Variants in SPAG9 observed in about 807,000 individuals in gnomAD.
SPAG9 encodes the protein C-Jun-amino-terminal kinase-interacting protein 4.
Under a neutral mutation model 166.5 loss-of-function variants are expected in SPAG9, and 35 were observed. The ratio of observed to expected loss-of-function variants is 0.21; its 90% confidence interval spans 0.16 to 0.28. SPAG9 has a LOEUF of 0.28. Among genes scored for constraint, SPAG9 ranks in the 10% least tolerant of loss-of-function variants. The probability of loss-of-function intolerance (pLI) is 1.00; values close to 1 mark genes in which losing one functional copy is unlikely to be tolerated. For missense variants in SPAG9, 1,235 were observed against 1,603.3 expected (o/e 0.77, Z 3.92); for synonymous variants, 534 against 565.5 (o/e 0.94, Z 0.79).
chr17:51,058,132 G>C (rs76213393), intron 2 of SPAG9, among the ~76,000 whole-genome samples: 16,679 of 152,078 alleles, frequency 0.11, 1,133 homozygotes, highest in Non-Finnish European at 0.15. Context: ...TGGATGCTGA[G>C]GCTGAAATAA....
At chr17:50,975,869 G>A in intron 27 of SPAG9, 2 of 1,535,674 alleles carry the variant, frequency 1.3e-6, no homozygotes, top group Non-Finnish European at 1.7e-6. Context: ...TTACCCCTCA[G>A]CCCCAGTAAA....
chr17:51,077,100 AGC>A (rs1491142082), intron 2 of SPAG9, among the ~76,000 whole-genome samples: 38 of 121,258 alleles, frequency 3.1e-4, no homozygotes, highest in African/African-American at 1.6e-3. Flanking sequence ...CTATCTATCT[AGC>A]TAGCTATCTA....
At chr17:51,112,309 A>T (rs1049576400) in intron 1 of SPAG9, among the ~76,000 whole-genome samples, 3 of 150,194 alleles carry the variant, frequency 2.0e-5, no homozygotes, top group Admixed American at 6.7e-5. Flanking sequence ...TGAGGTAAGA[A>T]AATGTCTTGA....
chr17:51,100,487 C>A (rs2144733902), intron 1 of SPAG9, among the ~76,000 whole-genome samples: 1 of 152,012 alleles, frequency 6.6e-6, no homozygotes, highest in Admixed American at 6.6e-5. Flanking sequence ...TGGCTTGATG[C>A]CTATAATACT....
At chr17:51,046,881 C>G in intron 4 of SPAG9, 1 of 1,522,932 alleles carries the variant, frequency 6.6e-7, no homozygotes, top group Non-Finnish European at 8.8e-7. Context: ...ATTTATGCAG[C>G]AACCCCAAGC....
chr17:51,000,933 C>T (rs1490425047), intron 13 of SPAG9, among the ~76,000 whole-genome samples: 1 of 152,058 alleles, frequency 6.6e-6, no homozygotes, highest in Non-Finnish European at 1.5e-5. Flanking sequence ...TCCTTATGGG[C>T]AGTTATAAGC....
chr17:51,087,070 AAAGAAT>A (rs1296993677), intron 1 of SPAG9, among the ~76,000 whole-genome samples: 2 of 152,276 alleles, frequency 1.3e-5, no homozygotes, highest in Non-Finnish European at 2.9e-5. Flanking sequence ...ACTAACTTTC[AAAGAAT>A]AATCAAGAAT....
intron 6 of SPAG9, among the ~76,000 whole-genome samples, chr17:51,026,918 C>T (rs947903952): frequency 1.1e-4 from 16 of 151,922 alleles, no homozygotes; most frequent in Admixed American, 2.0e-4. Flanking sequence ...TCAGGTGATC[C>T]GCCTGCCTCA....
chr17:51,029,129 T>C (rs113491118), intron 6 of SPAG9, among the ~76,000 whole-genome samples: 3 of 152,268 alleles, frequency 2.0e-5, no homozygotes, highest in African/African-American at 7.2e-5. Context: ...GTACAAGATT[T>C]GGAAGTGCAT....
At chr17:51,031,546 T>C (rs2046384466) in intron 6 of SPAG9, 135 bp downstream of exon 6, 2 of 699,352 alleles carry the variant, frequency 2.9e-6, no homozygotes, top group South Asian at 3.4e-5. Flanking sequence ...TAATTTTCTT[T>C]TATATTTCAG....
chr17:51,120,567 G>T lies in SPAG9; in HGVS notation c.90C>A (p.Ser30=). ...TAAGCCGCTCGAACTCGCGGTAGAT[G>T]GAGCCGGCCAGGCCGGACACCCGCT... ...MSERVSGLAG[S]IYREFERLIG... Residue 30 remains serine (S), a synonymous_variant, in exon 1 of 30, where the codon TCC becomes TCA. Transcript: ENST00000262013. The surrounding 1 kb of genome is among the most constrained non-coding windows in gnomAD (Gnocchi z 4.7). The T allele has an allele frequency of 6.2e-7, 1 of 1,613,630 alleles. No individual in the cohort carries two copies. Among genetic ancestry groups the T allele is most frequent in the Non-Finnish European group, 8.5e-7 (1 of 1,179,772 alleles).
At chr17:51,084,694 T>C (rs1025967930) in intron 1 of SPAG9, among the ~76,000 whole-genome samples, 8 of 151,928 alleles carry the variant, frequency 5.3e-5, no homozygotes, top group Admixed American at 5.3e-4. Context: ...CAGGTGTGAG[T>C]CACTGCACCC....
chr17:51,000,108 C>T (rs546694379), intron 13 of SPAG9, among the ~76,000 whole-genome samples: 3 of 152,130 alleles, frequency 2.0e-5, no homozygotes, highest in African/African-American at 7.2e-5. Context: ...ATACTCGGAG[C>T]TCTCACAAAA....
rs925034644 is a variant in SPAG9 at position 51,120,703 on chromosome 17, G to A, written c.-47C>T. The A allele has an allele frequency of 8.7e-6, 13 of 1,492,034 alleles. No individual in the cohort carries two copies. The highest frequency in any genetic ancestry group is 2.0e-5 in the Admixed American group (1 of 49,562). The allele number at this position is 1,492,034 out of a possible 1,614,324, so 92.4% of individuals were successfully genotyped here. A position where few individuals can be genotyped will look rare whatever the true frequency, so the allele number is the denominator to read the frequency against. ...CGGCCCGGGGCGTCGCCGGCAGAGG[G>A]GCGGCACCTGCCCGCACGGGACGGA... On this transcript the variant is annotated 5_prime_UTR_variant, in exon 1 of 30. Coordinates refer to ENST00000262013, the MANE Select transcript of SPAG9 (RefSeq NM_001130528.3). This position sits in a 1 kb window ranked among gnomAD's most constrained non-coding sequence, Gnocchi z 4.7.
At chr17:51,009,915 T>C (rs774907155) in intron 9 of SPAG9, among the ~76,000 whole-genome samples, 2 of 152,160 alleles carry the variant, frequency 1.3e-5, no homozygotes, top group Non-Finnish European at 2.9e-5. Flanking sequence ...ATATAACCAA[T>C]AGGATTATCT....
At chr17:50,980,191 G>T (rs530802522) in intron 25 of SPAG9, among the ~76,000 whole-genome samples, 19 of 151,886 alleles carry the variant, frequency 1.3e-4, no homozygotes, top group Admixed American at 3.3e-4. Flanking sequence ...TCAACAGAAA[G>T]ATTTTTTTTA....
chr17:51,007,979 C>A (rs1432003776), intron 9 of SPAG9: 7 of 302,348 alleles, frequency 2.3e-5, no homozygotes, highest in Non-Finnish European at 2.7e-5. Flanking sequence ...TCTGGAATCA[C>A]AATGTTATGA....
intron 29 of SPAG9, among the ~76,000 whole-genome samples, chr17:50,967,800 C>G (rs1011085840): frequency 6.6e-6 from 1 of 152,036 alleles, no homozygotes; most frequent in African/African-American, 2.4e-5. Context: ...GAAATGGACC[C>G]CCAAAAAAGA....
intron 12 of SPAG9, among the ~76,000 whole-genome samples, chr17:51,004,927 A>G (rs2045136340): frequency 1.3e-5 from 2 of 152,178 alleles, no homozygotes; most frequent in African/African-American, 2.4e-5. Flanking sequence ...AACAATAACA[A>G]CAACCAAAAA....
Sources: gnomAD v4.1 joint callset for allele counts (sites outside exome capture counted in the v4.1 genomes callset) on GRCh38, gnomAD v4.1.1 for gene constraint, Gnocchi (gnomAD v3.1) non-coding constraint, MANE v1.5 for transcripts, NCBI Gene and HGNC (gene_info 2026-07-23, HGNC 2026-07-21) for gene names.